The following ERBB4 variants were observed in gnomAD, a reference collection of about 807,000 sequenced individuals.
The protein encoded by ERBB4 is receptor tyrosine-protein kinase erbB-4.
A neutral mutation model predicts 158.0 loss-of-function variants in ERBB4; 42 were observed. The ratio of observed to expected loss-of-function variants is 0.27; its 90% CI spans 0.21 to 0.34. The LOEUF is 0.34. Ranked by LOEUF, ERBB4 falls within the 10% of genes least tolerant of loss-of-function variation. ERBB4 has a pLI of 1.00. For missense variants in ERBB4, 1,333 were observed against 1,624.1 expected (o/e 0.82, Z 3.08); for synonymous variants, 583 against 558.7 (o/e 1.04, Z -0.61).
intron 20 of ERBB4, among the ~76,000 whole-genome samples, chr2:211,483,048 T>C (rs2065123769): frequency 6.6e-6 from 1 of 151,718 alleles, no homozygotes; most frequent in Non-Finnish European, 1.5e-5. Context: ...ATAGAAGTTA[T>C]AAAAAAAGAA....
chr2:211,901,476 C>A (rs1001341715), intron 3 of ERBB4, among the ~76,000 whole-genome samples: 1 of 152,030 alleles, frequency 6.6e-6, no homozygotes, highest in Non-Finnish European at 1.5e-5. Context: ...CCTGAAGGAG[C>A]GCTCCAAATG....
At chr2:212,021,376 T>A (rs1018417094) in intron 2 of ERBB4, among the ~76,000 whole-genome samples, 2 of 152,062 alleles carry the variant, frequency 1.3e-5, no homozygotes, top group East Asian at 3.9e-4. Flanking sequence ...AACAGGCACA[T>A]AGACCAATGG....
rs370967582 is a variant in ERBB4 at position 211,803,511 on chromosome 2, T to C, written c.422-15352A>G. Among the ~76,000 whole-genome samples the C allele has an allele frequency of 5.3e-4, 81 of 152,254 alleles. 2 individuals carry two copies. Among genetic ancestry groups the C allele is most frequent in the African/African-American group, 1.9e-3 (77 of 41,548 alleles). On this transcript the variant is annotated intron_variant, in intron 3 of 27. Coordinates refer to ENST00000342788, the MANE Select transcript of ERBB4 (RefSeq NM_005235.3). ...GTATAAGGAATAGAGTGAGTAGAAC[T>C]ATGGCAAACTGGAAAGCACCCATCA... is the stretch of plus-strand genomic sequence containing the variant.
At chr2:212,256,879 A>G (rs2084758612) in intron 1 of ERBB4, among the ~76,000 whole-genome samples, 1 of 152,194 alleles carries the variant, frequency 6.6e-6, no homozygotes, top group Non-Finnish European at 1.5e-5. Flanking sequence ...GTTTGATGGA[A>G]GGGGACCTGT....
chr2:211,404,599 C>A (rs28404089), intron 25 of ERBB4, among the ~76,000 whole-genome samples: 1 of 151,664 alleles, frequency 6.6e-6, no homozygotes, highest in African/African-American at 2.4e-5. Context: ...TGTTAAAACA[C>A]TTTTTTTTAA....
chr2:211,520,783 A>G (rs974899391), intron 20 of ERBB4, among the ~76,000 whole-genome samples: 1 of 152,074 alleles, frequency 6.6e-6, no homozygotes, highest in Non-Finnish European at 1.5e-5. Flanking sequence ...CTCACTCCAC[A>G]TCTCTGTTTC....
chr2:212,293,139 TATGA>T (rs1261919426), intron 1 of ERBB4, among the ~76,000 whole-genome samples: 1 of 151,974 alleles, frequency 6.6e-6, no homozygotes, highest in African/African-American at 2.4e-5. Context: ...TGACAAAAAT[TATGA>T]ATGAAGACCT....
At chr2:211,927,351 A>T (rs1194395622) in intron 3 of ERBB4, among the ~76,000 whole-genome samples, 4 of 152,206 alleles carry the variant, frequency 2.6e-5, no homozygotes, top group African/African-American at 4.8e-5. Flanking sequence ...AAACTTTAAT[A>T]TAATATGGAT....
chr2:212,085,437 T>A (rs578116038), intron 2 of ERBB4, among the ~76,000 whole-genome samples: 67 of 152,064 alleles, frequency 4.4e-4, no homozygotes, highest in Non-Finnish European at 8.8e-4. Flanking sequence ...AAGCTTTTGA[T>A]AATAGATGGC....
chr2:211,523,221 T>C (rs1574665149), intron 20 of ERBB4, among the ~76,000 whole-genome samples: 1 of 136,694 alleles, frequency 7.3e-6, no homozygotes, highest in Non-Finnish European at 1.5e-5. Context: ...CAGTATCTGG[T>C]TTTAACTTCA....
chr2:211,983,644 C>A (rs1414899097), intron 2 of ERBB4, among the ~76,000 whole-genome samples: 1 of 152,108 alleles, frequency 6.6e-6, no homozygotes, highest in Non-Finnish European at 1.5e-5. Context: ...CACAGCATGT[C>A]ATATTTAGAA....
chr2:212,078,545 C>A (rs889901367), intron 2 of ERBB4, among the ~76,000 whole-genome samples: 7 of 151,840 alleles, frequency 4.6e-5, no homozygotes, highest in African/African-American at 7.3e-5. Context: ...GGAAGGTCAG[C>A]AAGCATGTGA....
intron 19 of ERBB4, among the ~76,000 whole-genome samples, chr2:211,615,256 T>C (rs941694534): frequency 1.3e-5 from 2 of 152,024 alleles, no homozygotes; most frequent in African/African-American, 2.4e-5. Context: ...TTTCATGAGA[T>C]AGTGGTGCCC....
chr2:211,829,774 C>T (rs1166115098), intron 3 of ERBB4, among the ~76,000 whole-genome samples: 1 of 152,158 alleles, frequency 6.6e-6, no homozygotes, highest in Admixed American at 6.6e-5. Context: ...AGCTCTGCCA[C>T]TTAGATTTGT....
intron 1 of ERBB4, among the ~76,000 whole-genome samples, chr2:212,269,096 T>G (rs982181151): frequency 6.6e-6 from 1 of 151,758 alleles, no homozygotes; most frequent in Non-Finnish European, 1.5e-5. Context: ...TAAACACAAA[T>G]GGGTACTTGA....
intron 1 of ERBB4, among the ~76,000 whole-genome samples, chr2:212,232,313 A>C (rs2083694875): frequency 6.6e-6 from 1 of 152,210 alleles, no homozygotes; most frequent in Non-Finnish European, 1.5e-5. Context: ...ATTTTCAAAG[A>C]AGAAATGCTG....
chr2:212,299,162 G>C (rs1044796341), intron 1 of ERBB4, among the ~76,000 whole-genome samples: 1 of 151,544 alleles, frequency 6.6e-6, no homozygotes, highest in African/African-American at 2.4e-5. Flanking sequence ...ATCACACACA[G>C]ACAATAATAC....
At chr2:211,693,105 A>T (rs2072882547) in intron 12 of ERBB4, among the ~76,000 whole-genome samples, 1 of 152,184 alleles carries the variant, frequency 6.6e-6, no homozygotes, top group African/African-American at 2.4e-5. Context: ...GTGGGACCAG[A>T]GCAGCAAATT....
chr2:211,649,195 C>T (rs1034889777), intron 16 of ERBB4, among the ~76,000 whole-genome samples: 4 of 151,776 alleles, frequency 2.6e-5, no homozygotes, highest in African/African-American at 9.7e-5. Flanking sequence ...AAAATTAAAA[C>T]TAAGAGAAAG....
Sources: allele counts gnomAD v4.1 joint callset (sites outside exome capture counted in the v4.1 genomes callset), GRCh38; gene constraint gnomAD v4.1.1; transcripts MANE v1.5; gene names NCBI Gene and HGNC (gene_info 2026-07-23, HGNC 2026-07-21).